Variants in NOSIP observed in about 807,000 individuals in gnomAD.
NOSIP encodes nitric oxide synthase interacting protein.
In NOSIP, 25 loss-of-function variants were observed where a neutral mutation model predicts 36.4. The ratio of observed to expected loss-of-function variants is 0.69; its 90% CI spans 0.50 to 0.96. The LOEUF is 0.96. Among genes scored for constraint, NOSIP ranks in the 40% least tolerant of loss-of-function variants. The pLI is 0.00. For missense variants in NOSIP, 370 were observed against 429.0 expected, an observed-to-expected ratio of 0.86 and a Z score of 1.21; for synonymous variants, 187 against 179.2, an observed-to-expected ratio of 1.04 and a Z score of -0.35.
At chr19:49,567,281 C>T (rs1485601187) in intron 1 of NOSIP, among the ~76,000 whole-genome samples, 1 of 151,900 alleles carries the variant, frequency 6.6e-6, no homozygotes, top group Non-Finnish European at 1.5e-5. Context: ...CGCCACCACA[C>T]CGTATAATTT....
At chr19:49,566,222 G>A (rs1219643501) in intron 1 of NOSIP, among the ~76,000 whole-genome samples, 4 of 151,972 alleles carry the variant, frequency 2.6e-5, no homozygotes, top group Non-Finnish European at 4.4e-5. Context: ...GGGTTTCACC[G>A]TGTTAGCCAG....
chr19:49,568,797 AGTTTG>A (rs1568408549), intron 1 of NOSIP, among the ~76,000 whole-genome samples: 18 of 131,080 alleles, frequency 1.4e-4, no homozygotes, highest in South Asian at 4.8e-4. Flanking sequence ...AAAAAAAAAT[AGTTTG>A]TTTGTTTGTT....
chr19:49,566,273 G>A (rs1194946171), intron 1 of NOSIP, among the ~76,000 whole-genome samples: 3 of 152,086 alleles, frequency 2.0e-5, no homozygotes, highest in African/African-American at 7.2e-5. Context: ...GCCCACCTCG[G>A]CTTCCCAAAG....
intron 4 of NOSIP, chr19:49,558,601 A>G (rs1213753895): frequency 5.7e-6 from 2 of 349,544 alleles, no homozygotes; most frequent in East Asian, 1.0e-4. Flanking sequence ...ACAGGGTGGG[A>G]AAACTCGAAG....
At chr19:49,570,936 T>C (rs2080475539) in intron 1 of NOSIP, among the ~76,000 whole-genome samples, 1 of 152,074 alleles carries the variant, frequency 6.6e-6, no homozygotes, top group Non-Finnish European at 1.5e-5. Context: ...CCTCCAAAAA[T>C]AGGAGGAACA....
intron 4 of NOSIP, chr19:49,558,686 G>C: frequency 3.2e-6 from 2 of 619,806 alleles, no homozygotes; most frequent in South Asian, 3.8e-5. Context: ...AAGAGAAGAG[G>C]TGACTGGGGC....
At chr19:49,566,370 A>G (rs1340759788) in intron 1 of NOSIP, among the ~76,000 whole-genome samples, 2 of 152,118 alleles carry the variant, frequency 1.3e-5, no homozygotes, top group Non-Finnish European at 2.9e-5. Flanking sequence ...ATACAGTGGT[A>G]CAATCATAGC....
intron 4 of NOSIP, chr19:49,558,162 T>C: frequency 6.3e-6 from 1 of 158,922 alleles, no homozygotes; most frequent in East Asian, 1.6e-4. Context: ...TGCTGTGTCC[T>C]CTGATTTGGC....
Position 49,558,890 on chromosome 19 carries a change from C to T in NOSIP, c.258+7G>A. 6.2e-7 allele frequency: 1 copy of T among 1,612,906 alleles called. No individual in the cohort carries two copies. The highest frequency in any genetic ancestry group is 1.1e-5 in the South Asian group (1 of 91,062). On this transcript the variant is annotated splice_region_variant and intron_variant, in intron 4 of 8. Coordinates refer to ENST00000596358, the MANE Select transcript of NOSIP (RefSeq NM_001270960.2). ...TCCGTGTGCCGCCTCCTCCCCATCCCCATCACCTTCATCTGCCGGGCAATC... is the reference window on the plus strand; with the variant it reads ...TCCGTGTGCCGCCTCCTCCCCATCCTCATCACCTTCATCTGCCGGGCAATC...
At chr19:49,569,252 G>A (rs1031485917) in intron 1 of NOSIP, among the ~76,000 whole-genome samples, 16 of 144,782 alleles carry the variant, frequency 1.1e-4, no homozygotes, top group Non-Finnish European at 9.0e-5. Flanking sequence ...AGGCTGGAGC[G>A]CAGTGGCACA....
intron 1 of NOSIP, among the ~76,000 whole-genome samples, chr19:49,576,448 G>A (rs897225878): frequency 6.6e-6 from 1 of 151,956 alleles, no homozygotes; most frequent in Non-Finnish European, 1.5e-5. Flanking sequence ...ATAGTGGCAT[G>A]CGCCTGTGGT....
chr19:49,569,864 G>A (rs1258036868), intron 1 of NOSIP, among the ~76,000 whole-genome samples: 2 of 150,904 alleles, frequency 1.3e-5, no homozygotes, highest in African/African-American at 4.9e-5. Flanking sequence ...GGTGGGGCGA[G>A]GTGGCTCATG....
chr19:49,556,765 G>A, intron 6 of NOSIP, 29 bp from the exon 7 acceptor site: 1 of 1,584,346 alleles, frequency 6.3e-7, no homozygotes, highest in Non-Finnish European at 8.6e-7. Flanking sequence ...GGCGGGCTCA[G>A]TAGGCAGGGC....
At chr19:49,568,580 T>C (rs2122142577) in intron 1 of NOSIP, among the ~76,000 whole-genome samples, 1 of 152,122 alleles carries the variant, frequency 6.6e-6, no homozygotes, top group East Asian at 1.9e-4. Flanking sequence ...AAAATAAGCA[T>C]TATAGCAGAA....
chr19:49,568,262 A>G (rs1399738580), intron 1 of NOSIP, among the ~76,000 whole-genome samples: 1 of 152,182 alleles, frequency 6.6e-6, no homozygotes, highest in African/African-American at 2.4e-5. Context: ...TGTTGTGGCA[A>G]TGGGTGTGGG....
Position 49,560,033 on chromosome 19 carries a change from G to A in NOSIP, c.77C>T (p.Ser26Leu). Residue 26 changes from serine to leucine, a missense_variant, in exon 3 of 9, where the codon TCG becomes TTG. By Grantham distance (145) the Ser-to-Leu change is moderately radical. This residue lies in a region of NOSIP where 37 missense variants were observed against 60.2 expected (regional missense o/e 0.61). Coordinates refer to ENST00000596358, the MANE Select transcript of NOSIP (RefSeq NM_001270960.2). This position sits in a 1 kb window ranked among gnomAD's most constrained non-coding sequence, Gnocchi z 4.6. ...TCGAATGTTCTGGGTCCCATAGCCC[G>A]AGGCCGCTGGGGACAGAGATGGGCA... is the stretch of plus-strand genomic sequence containing the variant. ...YHEKKKDTAA[S>L]GYGTQNIRLS... 3 of 1,611,882 alleles carry A rather than the reference G, an allele frequency of 1.9e-6. No individual in the cohort carries two copies. The highest frequency in any genetic ancestry group is 2.5e-6 in the Non-Finnish European group (3 of 1,178,354).
intron 1 of NOSIP, among the ~76,000 whole-genome samples, chr19:49,574,769 A>G (rs1045116264): frequency 1.3e-5 from 2 of 151,930 alleles, no homozygotes; most frequent in African/African-American, 4.8e-5. Context: ...GTTGGAGTGC[A>G]GCGGCGGATC....
intron 1 of NOSIP, among the ~76,000 whole-genome samples, chr19:49,577,279 C>T (rs541512816): frequency 2.7e-4 from 41 of 152,280 alleles, no homozygotes; most frequent in Admixed American, 6.5e-4. Context: ...TCCATGCAGG[C>T]GGGGCGCGGT....
intron 1 of NOSIP, among the ~76,000 whole-genome samples, chr19:49,576,816 G>A (rs1367148719): frequency 6.9e-6 from 1 of 144,522 alleles, no homozygotes; most frequent in Admixed American, 7.2e-5. Context: ...CCTGGGAGGC[G>A]AAGGTCGTGA....
Sources: allele counts gnomAD v4.1 joint callset (sites outside exome capture counted in the v4.1 genomes callset), GRCh38; gene constraint gnomAD v4.1.1; regional missense constraint gnomAD v4.1.1; non-coding constraint Gnocchi (gnomAD v3.1); transcripts MANE v1.5; gene names NCBI Gene and HGNC (gene_info 2026-07-23, HGNC 2026-07-21).